The following NCOR2 variants were observed in gnomAD, a reference collection of about 807,000 sequenced individuals.
NCOR2 encodes the protein CTG repeat protein 26.
A neutral mutation model predicts 262.9 loss-of-function variants in NCOR2; 81 were observed. The observed-to-expected ratio is 0.31, with a 90% confidence interval of 0.26 to 0.37. The LOEUF (loss-of-function observed/expected upper bound fraction) is 0.37. Ranked by LOEUF, NCOR2 falls within the 10% of genes least tolerant of loss-of-function variation. The pLI is 1.00. For missense variants in NCOR2, 3,385 were observed against 3,621.4 expected, an observed-to-expected ratio of 0.93 and a Z score of 1.68; for synonymous variants, 1,659 against 1,559.3, an observed-to-expected ratio of 1.06 and a Z score of -1.51.
At chr12:124,372,731 G>A in intron 19 of NCOR2, 121 bp from the exon 22 acceptor site, 1 of 831,208 alleles carries the variant, frequency 1.2e-6, no homozygotes, top group South Asian at 1.7e-5. Context: ...CAGCCCCGAG[G>A]CTCCTACACA....
intron 1 of NCOR2, among the ~76,000 whole-genome samples, chr12:124,489,156 G>A (rs12311820): frequency 0.061 from 9,318 of 151,982 alleles, 330 homozygotes; most frequent in Admixed American, 0.081. Context: ...GACCTGAGGT[G>A]GAGCCCAAGG....
intron 8 of NCOR2, among the ~76,000 whole-genome samples, chr12:124,431,572 GAGAC>G (rs1405524377): frequency 6.7e-6 from 1 of 148,458 alleles, no homozygotes; most frequent in African/African-American, 2.5e-5. Context: ...GATACACAGA[GAGAC>G]ACACACACAC....
chr12:124,501,579 G>A (rs1041613685), intron 1 of NCOR2, among the ~76,000 whole-genome samples: 16 of 152,168 alleles, frequency 1.1e-4, no homozygotes, highest in Admixed American at 7.2e-4. Context: ...TAGATGCATC[G>A]TGCCATCCTC....
intron 44 of NCOR2, chr12:124,328,650 C>T (rs972091700): frequency 3.9e-5 from 6 of 153,708 alleles, no homozygotes; most frequent in African/African-American, 1.4e-4. Context: ...AGTGAAGCCC[C>T]ATTCCACCGT....
chr12:124,375,662 C>T (rs967924405), intron 18 of NCOR2, among the ~76,000 whole-genome samples: 1 of 152,210 alleles, frequency 6.6e-6, no homozygotes, highest in Non-Finnish European at 1.5e-5. Flanking sequence ...TCCCCAGTAC[C>T]GGGCTGCCTG....
chr12:124,492,683 T>C (rs929073004), intron 1 of NCOR2, among the ~76,000 whole-genome samples: 7 of 152,130 alleles, frequency 4.6e-5, no homozygotes, highest in African/African-American at 1.7e-4. Flanking sequence ...AAGGGGGTAG[T>C]ATCTTTCGAA....
At chr12:124,489,384 C>T (rs1256736775) in intron 1 of NCOR2, among the ~76,000 whole-genome samples, 3 of 152,216 alleles carry the variant, frequency 2.0e-5, no homozygotes, top group Non-Finnish European at 2.9e-5. Context: ...AAGCCCCACA[C>T]AAAGACGAGA....
In NCOR2 at chr12:124,457,283, C is replaced by A; in HGVS notation, c.706-121G>T. 8.8e-7 allele frequency: 1 copy of A among 1,139,650 alleles called. No individual in the cohort carries two copies. Among genetic ancestry groups the A allele is most frequent in the Non-Finnish European group, 1.2e-6 (1 of 833,428 alleles). 70.6% of individuals were successfully genotyped at this position (1,139,650 alleles called of 1,614,324 possible). A position where few individuals can be genotyped will look rare whatever the true frequency, so the allele number is the denominator to read the frequency against. On this transcript the variant is annotated intron_variant, in intron 5 of 46. Transcript: ENST00000405201. This position sits in a 1 kb window ranked among gnomAD's most constrained non-coding sequence, Gnocchi z 4.0. ...CCCAGTCCAGCATGCTGATCCTCAG[C>A]ACGGGGGAGGGAGGCCCGGGGCCCC...
At chr12:124,326,158 G>C (rs1439067259) in intron 46 of NCOR2, 33 bp downstream of exon 48, 1 of 1,458,990 alleles carries the variant, frequency 6.9e-7, no homozygotes, top group Admixed American at 2.5e-5. Flanking sequence ...TGGGGGCTCA[G>C]CGAGCCCAGC....
chr12:124,443,179 T>C lies in NCOR2; in HGVS notation c.816-5183A>G, dbSNP rs2044929898. 6.6e-6 allele frequency among the ~76,000 whole-genome samples: 1 copy of C among 152,244 alleles called. No individual in the cohort carries two copies. Among genetic ancestry groups the C allele is most frequent in the South Asian group, 2.1e-4 (1 of 4,834 alleles). The stretch of plus-strand genomic sequence containing the variant: ...TGAGAAGCTAGTCCGGCGTGTGATC[T>C]TCCACAAACCGCGGTGCTGTCACTG... On this transcript the variant is annotated intron_variant, in intron 7 of 46. Coordinates refer to ENST00000405201, the Ensembl canonical transcript of NCOR2. The surrounding 1 kb of genome is among the most constrained non-coding windows in gnomAD (Gnocchi z 4.4).
intron 16 of NCOR2, among the ~76,000 whole-genome samples, chr12:124,391,987 C>T (rs2041338676): frequency 6.6e-6 from 1 of 152,050 alleles, no homozygotes; most frequent in Admixed American, 6.5e-5. Context: ...TGAGCACTGG[C>T]TCTCCCTCTG....
exon 35 of NCOR2, chr12:124,340,695 C>T (rs1253703160): frequency 1.3e-6 from 2 of 1,533,876 alleles, no homozygotes; most frequent in Admixed American, 2.3e-5. Flanking sequence ...GCTGGGGTGC[C>T]TGGTGTCGGG....
At chr12:124,529,893 GA>G (rs1268788164) in intron 1 of NCOR2, 1 of 152,240 alleles carries the variant, frequency 6.6e-6, no homozygotes, top group Non-Finnish European at 1.5e-5. Context: ...AGCCACTTTA[GA>G]AAACAGCTGG....
Position 124,335,121 on chromosome 12 carries a change from G to A in NCOR2, c.6411+14C>T, listed in dbSNP as rs879458496. 1.1e-5 allele frequency: 18 copies of A among 1,612,366 alleles called. No homozygotes were observed. Among genetic ancestry groups the A allele is most frequent in the Non-Finnish European group, 1.4e-5 (17 of 1,179,902 alleles). ...TGCAAAGGTGACAAGCAGCAGCAGAGAACGCGTAGTTACACTGATGTGCTG... is the reference window on the plus strand; with the variant it reads ...TGCAAAGGTGACAAGCAGCAGCAGAAAACGCGTAGTTACACTGATGTGCTG... On this transcript the variant is annotated intron_variant, in intron 40 of 46. Coordinates refer to ENST00000405201, the Ensembl canonical transcript of NCOR2.
In NCOR2 at chr12:124,399,860, T is replaced by A. The variant is rs1232990700; in HGVS notation, c.1813+641A>T. The stretch of plus-strand genomic sequence containing the variant: ...CGAATCTTGGGAACTGCCACTCACA[T>A]CATCTCATTTTTTTCTACTTTCTGG... On this transcript the variant is annotated intron_variant, in intron 15 of 46. Coordinates refer to ENST00000405201, the Ensembl canonical transcript of NCOR2. Among the ~76,000 whole-genome samples, 4 of 152,140 alleles carry A rather than the reference T, an allele frequency of 2.6e-5. No individual in the cohort carries two copies. The East Asian group carries it at 7.7e-4, about 29-fold the overall frequency.
chr12:124,470,659 G>A (rs2046786847), intron 4 of NCOR2, among the ~76,000 whole-genome samples: 2 of 152,224 alleles, frequency 1.3e-5, no homozygotes, highest in South Asian at 2.1e-4. Context: ...CAGAGAGTAG[G>A]GGAACGGGGA....
intron 33 of NCOR2, 82 bp from the exon 36 acceptor site, chr12:124,342,156 C>T (rs1370311531): frequency 2.1e-6 from 3 of 1,462,282 alleles, no homozygotes; most frequent in Non-Finnish European, 2.7e-6. Flanking sequence ...ATGCCCCCTA[C>T]TTCTGCACCC....
chr12:124,564,964 C>T (rs1001652708), intron 1 of NCOR2, among the ~76,000 whole-genome samples: 1 of 148,902 alleles, frequency 6.7e-6, no homozygotes, highest in African/African-American at 2.5e-5. Context: ...CCCAGGGCTT[C>T]CATGCAGTAA....
rs1043548619 is a variant in NCOR2 at position 124,369,556 on chromosome 12, C to T, written c.2807+2466G>A. Among the ~76,000 whole-genome samples the T allele has an allele frequency of 5.3e-5, 8 of 152,086 alleles. No homozygotes were observed. The South Asian group carries it at 1.0e-3, about 20-fold the overall frequency. On this transcript the variant is annotated intron_variant, in intron 20 of 46. Transcript: ENST00000405201. ...CATCTCGTCCGCGTCCTCCAGCGTC[C>T]GCCCGGCCCTGCGCAGTCGTGGCCG...
Sources: allele counts gnomAD v4.1 joint callset (sites outside exome capture counted in the v4.1 genomes callset), GRCh38; gene constraint gnomAD v4.1.1; non-coding constraint Gnocchi (gnomAD v3.1); transcripts MANE v1.5; gene names NCBI Gene and HGNC (gene_info 2026-07-23, HGNC 2026-07-21).